The following PRSS12 variants were observed in gnomAD, a reference collection of about 807,000 sequenced individuals.
PRSS12 encodes the protein neurotrypsin.
Under a neutral mutation model 104.4 loss-of-function variants are expected in PRSS12, and 85 were observed. The ratio of observed to expected loss-of-function variants is 0.81; its 90% confidence interval spans 0.68 to 0.98. The LOEUF is 0.98. PRSS12 is among the 50% of genes least tolerant of loss of function. The probability of loss-of-function intolerance (pLI) is 0.00; values close to 1 mark genes in which losing one functional copy is unlikely to be tolerated. For synonymous variants in PRSS12, 454 were observed against 425.2 expected (o/e 1.07, Z -0.83); for missense variants, 1,141 against 1,139.2 (o/e 1.00, Z -0.02).
chr4:118,316,964 T>C (rs1288386870), intron 5 of PRSS12, among the ~76,000 whole-genome samples: 1 of 151,310 alleles, frequency 6.6e-6, no homozygotes, highest in African/African-American at 2.4e-5. Context: ...TTTGGGAAAT[T>C]TCATATAACT....
chr4:118,287,136 C>T (rs1413597154), intron 11 of PRSS12, among the ~76,000 whole-genome samples: 1 of 152,124 alleles, frequency 6.6e-6, no homozygotes, highest in East Asian at 1.9e-4. Flanking sequence ...GGAATACACA[C>T]ACACACACAT....
At chr4:118,306,714 G>A (rs1164149722) in intron 8 of PRSS12, among the ~76,000 whole-genome samples, 2 of 152,122 alleles carry the variant, frequency 1.3e-5, no homozygotes, top group Non-Finnish European at 2.9e-5. Flanking sequence ...TGAGATTTGG[G>A]TGGGGACAAA....
At chr4:118,316,612 A>G (rs1723428992) in intron 5 of PRSS12, among the ~76,000 whole-genome samples, 1 of 151,976 alleles carries the variant, frequency 6.6e-6, no homozygotes, top group South Asian at 2.1e-4. Context: ...ACCTGAGGTC[A>G]GGAGTTCGAG....
chr4:118,351,658 T>A (rs7669243), intron 1 of PRSS12, among the ~76,000 whole-genome samples: 113,154 of 152,030 alleles, frequency 0.74, 44,359 homozygotes, highest in South Asian at 0.9. Flanking sequence ...AGCTGGAGTA[T>A]GTGAATATGG....
intron 6 of PRSS12, among the ~76,000 whole-genome samples, chr4:118,315,300 A>T (rs1448368252): frequency 6.6e-6 from 1 of 152,158 alleles, no homozygotes; most frequent in Non-Finnish European, 1.5e-5. Flanking sequence ...ATGATAGCAT[A>T]AGGATAAAAA....
At chr4:118,289,415 A>C (rs913120759) in intron 11 of PRSS12, among the ~76,000 whole-genome samples, 2 of 152,140 alleles carry the variant, frequency 1.3e-5, no homozygotes, top group Non-Finnish European at 2.9e-5. Context: ...TGGAAATGTC[A>C]AAAGGGGGTG....
intron 11 of PRSS12, among the ~76,000 whole-genome samples, chr4:118,291,756 G>C (rs75714317): frequency 2.6e-5 from 4 of 152,068 alleles, no homozygotes; most frequent in African/African-American, 9.7e-5. Context: ...GACACCATTC[G>C]TCAGTGCTAC....
At chr4:118,293,279 A>G (rs1444895770) in intron 11 of PRSS12, among the ~76,000 whole-genome samples, 2 of 151,980 alleles carry the variant, frequency 1.3e-5, no homozygotes, top group Non-Finnish European at 2.9e-5. Context: ...CATATACTAT[A>G]AACAAAAATA....
chr4:118,293,038 A>G (rs1476365597), intron 11 of PRSS12, among the ~76,000 whole-genome samples: 2 of 150,748 alleles, frequency 1.3e-5, no homozygotes, highest in South Asian at 2.1e-4. Context: ...AATAATAATA[A>G]ATAAATAAAT....
chr4:118,339,880 A>G (rs1254688787), intron 1 of PRSS12, among the ~76,000 whole-genome samples: 1 of 152,200 alleles, frequency 6.6e-6, no homozygotes, highest in African/African-American at 2.4e-5. Context: ...TCATTTGTTG[A>G]CCTCAAGCAA....
chr4:118,351,347 CA>C (rs200272121), intron 1 of PRSS12, among the ~76,000 whole-genome samples: 107 of 139,640 alleles, frequency 7.7e-4, no homozygotes, highest in Admixed American at 5.4e-3. Flanking sequence ...AGTTTTTAAA[CA>C]AAAAAAAAAA....
At chr4:118,285,798 T>C (rs978155253) in intron 11 of PRSS12, among the ~76,000 whole-genome samples, 1 of 152,132 alleles carries the variant, frequency 6.6e-6, no homozygotes, top group Non-Finnish European at 1.5e-5. Context: ...CTTTGACCTG[T>C]TTGGGTTTTT....
intron 11 of PRSS12, among the ~76,000 whole-genome samples, chr4:118,289,223 C>A (rs1234758664): frequency 6.6e-6 from 1 of 152,066 alleles, no homozygotes; most frequent in Non-Finnish European, 1.5e-5. Context: ...AACAAATAAA[C>A]ATAAAAAGTT....
intron 4 of PRSS12, among the ~76,000 whole-genome samples, chr4:118,329,336 C>T (rs1020275557): frequency 1.3e-5 from 2 of 152,090 alleles, no homozygotes; most frequent in Non-Finnish European, 2.9e-5. Context: ...ATCAAAAATG[C>T]CTTTTACCTT....
intron 11 of PRSS12, 52 bp downstream of exon 11, chr4:118,294,887 A>G: frequency 1.2e-6 from 2 of 1,610,578 alleles, no homozygotes. Context: ...GGGGATTGGA[A>G]GAACTGATGA....
At position 118,316,175 on chromosome 4, in the gene PRSS12, AC is replaced by A; in HGVS notation, c.1292+6del. On this transcript the variant is annotated splice_donor_region_variant and intron_variant, in intron 6 of 12. Coordinates refer to ENST00000296498, the MANE Select transcript of PRSS12 (RefSeq NM_003619.4). ...ATTTAACTGCCTTTATAATTAATGA[AC>A]CTTACTTAAATCCCAATTGTCGACA... 6.2e-7 allele frequency: 1 copy of A among 1,613,940 alleles called. No homozygotes were observed. Among genetic ancestry groups the A allele is most frequent in the Non-Finnish European group, 8.5e-7 (1 of 1,179,924 alleles).
At chr4:118,290,980 G>A (rs749627653) in intron 11 of PRSS12, among the ~76,000 whole-genome samples, 1 of 151,668 alleles carries the variant, frequency 6.6e-6, no homozygotes, top group Non-Finnish European at 1.5e-5. Flanking sequence ...AGACCAATTT[G>A]CCAGAAAAAG....
In PRSS12 at chr4:118,294,495, T is replaced by C. The variant is rs146131034; in HGVS notation, c.2039+444A>G. Among the ~76,000 whole-genome samples, 259 of 152,234 alleles carry C rather than the reference T, an allele frequency of 1.7e-3. 1 individual carries two copies. Among genetic ancestry groups the C allele is most frequent in the African/African-American group, 5.9e-3 (246 of 41,532 alleles). ...AGAAGAAATAATCAGGACTAAACTA[T>C]AGGAAACCAAGAATGAAACATATGC... On this transcript the variant is annotated intron_variant, in intron 11 of 12. Coordinates refer to ENST00000296498, the MANE Select transcript of PRSS12 (RefSeq NM_003619.4).
chr4:118,324,906 T>C (rs1278729215), intron 4 of PRSS12, among the ~76,000 whole-genome samples: 2 of 151,964 alleles, frequency 1.3e-5, no homozygotes, highest in Non-Finnish European at 2.9e-5. Flanking sequence ...GAGACAGGTT[T>C]CACCATGTTG....
Sources: allele counts gnomAD v4.1 joint callset (sites outside exome capture counted in the v4.1 genomes callset), GRCh38; gene constraint gnomAD v4.1.1; transcripts MANE v1.5; gene names NCBI Gene and HGNC (gene_info 2026-07-23, HGNC 2026-07-21).